AP2A2: variants seen among roughly 807,000 people sequenced by gnomAD.
AP2A2 encodes the protein adaptor related protein complex 2 subunit alpha 2, also known as AP-2 complex subunit alpha-2.
A neutral mutation model predicts 104.2 loss-of-function variants in AP2A2; 32 were observed. That is an observed-to-expected ratio of 0.31 (90% CI 0.23 to 0.41). The LOEUF (loss-of-function observed/expected upper bound fraction) is 0.41, where lower values mean the gene tolerates loss of function less well. Ranked by LOEUF, AP2A2 falls within the 10% of genes least tolerant of loss-of-function variation. AP2A2 has a pLI of 1.00. For synonymous variants in AP2A2, 539 were observed against 533.3 expected (o/e 1.01, Z -0.15); for missense variants, 912 against 1,261.0 (o/e 0.72, Z 4.19).
At position 960,818 on chromosome 11, in the gene AP2A2, C is replaced by T. The variant is rs575033864; in HGVS notation, c.136+1313C>T. On this transcript the variant is annotated intron_variant, in intron 2 of 21. Transcript: ENST00000448903. ...CAGGCGTGAGCCACTGCACCCCACA[C>T]GGCTGGTTTTTGTATTTTTAGTAGA... Among the ~76,000 whole-genome samples, 25 of 151,604 alleles carry T rather than the reference C, an allele frequency of 1.6e-4. No individual in the cohort carries two copies. The Middle Eastern group carries it at 0.017, about 105-fold the overall frequency.
At position 982,470 on chromosome 11, in the gene AP2A2, C is replaced by A. The variant is rs1392007575; in HGVS notation, c.705+1171C>A. ...GCCTGAGTCTTTTACCCATTTTTACCCTGGGTTGTCCGTTTTTTGTGTTGA... is the reference window on the plus strand; with the variant it reads ...GCCTGAGTCTTTTACCCATTTTTACACTGGGTTGTCCGTTTTTTGTGTTGA... On this transcript the variant is annotated intron_variant, in intron 6 of 21. Coordinates refer to ENST00000448903, the MANE Select transcript of AP2A2 (RefSeq NM_012305.4). Among the ~76,000 whole-genome samples the A allele has an allele frequency of 2.6e-5, 4 of 151,968 alleles. No homozygotes were observed. The East Asian group carries it at 7.7e-4, about 29-fold the overall frequency.
In AP2A2 at chr11:984,765, G is replaced by C. The variant is rs772745429; in HGVS notation, c.814+12G>C. On this transcript the variant is annotated intron_variant, in intron 7 of 21. Coordinates refer to ENST00000448903, the MANE Select transcript of AP2A2 (RefSeq NM_012305.4). Reference sequence around the variant, plus strand: ...CTACCCACCCCCAGGTAACGCGCAGGCCGCGGCTCCTGAAGCTGCACCAGT... The same window carrying C: ...CTACCCACCCCCAGGTAACGCGCAGCCCGCGGCTCCTGAAGCTGCACCAGT... The C allele has an allele frequency of 4.7e-5, 74 of 1,583,516 alleles. No homozygotes were observed. The highest frequency in any genetic ancestry group is 6.3e-5 in the Non-Finnish European group (73 of 1,154,984).
At chr11:1,004,396 C>G (rs1371586230) in intron 16 of AP2A2, among the ~76,000 whole-genome samples, 1 of 152,096 alleles carries the variant, frequency 6.6e-6, no homozygotes, top group Non-Finnish European at 1.5e-5. Flanking sequence ...TCACTTGAAC[C>G]TGGGAGGCGG....
At chr11:1,007,210 A>C (rs1226478720) in intron 17 of AP2A2, 1 of 154,278 alleles carries the variant, frequency 6.5e-6, no homozygotes, top group Non-Finnish European at 1.5e-5. Context: ...CTGGGGATTT[A>C]TGGTCAGCGA....
chr11:971,735 C>T (rs911305493), intron 3 of AP2A2, among the ~76,000 whole-genome samples: 8 of 152,126 alleles, frequency 5.3e-5, no homozygotes, highest in Non-Finnish European at 8.8e-5. Context: ...GTGTGATGTC[C>T]GGAACACTCA....
intron 1 of AP2A2, among the ~76,000 whole-genome samples, chr11:935,958 A>G (rs1225082577): frequency 2.7e-5 from 4 of 145,958 alleles, no homozygotes; most frequent in South Asian, 2.2e-4. Context: ...TTGGAGTGCA[A>G]TGGCACTATC....
At chr11:983,860 C>T (rs1441572991) in intron 6 of AP2A2, among the ~76,000 whole-genome samples, 2 of 152,178 alleles carry the variant, frequency 1.3e-5, no homozygotes, top group Non-Finnish European at 2.9e-5. Context: ...TGATTCTTGC[C>T]TTTTCCTGCT....
chr11:937,018 A>G (rs1853481701), intron 1 of AP2A2, among the ~76,000 whole-genome samples: 1 of 151,686 alleles, frequency 6.6e-6, no homozygotes, highest in East Asian at 1.9e-4. Context: ...TTTCTATTTA[A>G]TGTATTTATA....
At chr11:973,220 G>A (rs1456987912) in intron 4 of AP2A2, among the ~76,000 whole-genome samples, 5 of 152,214 alleles carry the variant, frequency 3.3e-5, no homozygotes, top group African/African-American at 1.2e-4. Context: ...CTAGACCGGC[G>A]TCTCAACTGG....
At chr11:987,634 G>A (rs1325250183) in intron 9 of AP2A2, among the ~76,000 whole-genome samples, 2 of 151,634 alleles carry the variant, frequency 1.3e-5, no homozygotes, top group Non-Finnish European at 1.5e-5. Flanking sequence ...CAGCGTGGGC[G>A]ACAGAGCGAG....
chr11:975,378 C>CGTGT, intron 4 of AP2A2, among the ~76,000 whole-genome samples: 1 of 83,792 alleles, frequency 1.2e-5, no homozygotes, highest in African/African-American at 4.5e-5. Context: ...CTCCCTCTTA[C>CGTGT]GAGCCGACAT....
intron 1 of AP2A2, among the ~76,000 whole-genome samples, chr11:935,502 G>A (rs1002432169): frequency 1.1e-4 from 17 of 151,312 alleles, no homozygotes; most frequent in East Asian, 3.9e-4. Context: ...GAGTTTCGCC[G>A]TGTTGGCCAG....
intron 17 of AP2A2, 69 bp downstream of exon 17, chr11:1,006,686 A>G: frequency 8.0e-7 from 1 of 1,254,178 alleles, no homozygotes; most frequent in Admixed American, 2.2e-5. Context: ...GCTTTTGAGG[A>G]AGTTTTTTGG....
chr11:1,005,798 G>C (rs1001242319), intron 16 of AP2A2, among the ~76,000 whole-genome samples: 1 of 152,224 alleles, frequency 6.6e-6, no homozygotes, highest in African/African-American at 2.4e-5. Context: ...AAGTTTTTAA[G>C]CTCTGGGCCG....
intron 1 of AP2A2, among the ~76,000 whole-genome samples, chr11:937,345 C>T (rs548304532): frequency 1.8e-4 from 27 of 152,190 alleles, no homozygotes; most frequent in African/African-American, 5.8e-4. Context: ...CTGACCACAG[C>T]GCAACACCAT....
At chr11:928,987 C>T (rs899686531) in intron 1 of AP2A2, among the ~76,000 whole-genome samples, 21 of 152,190 alleles carry the variant, frequency 1.4e-4, no homozygotes, top group African/African-American at 4.8e-4. Context: ...CTGTTCTCCT[C>T]ATGGCGAGCG....
chr11:935,770 A>AT (rs1393243371), intron 1 of AP2A2, among the ~76,000 whole-genome samples: 5 of 147,066 alleles, frequency 3.4e-5, no homozygotes, highest in East Asian at 4.1e-4. Context: ...AATTTTTTGT[A>AT]TTTTTAGTAG....
chr11:953,819 C>T (rs985805100), intron 1 of AP2A2, among the ~76,000 whole-genome samples: 1 of 151,306 alleles, frequency 6.6e-6, no homozygotes, highest in Admixed American at 6.6e-5. Context: ...TGACACTACT[C>T]TTCTCTCTAC....
At chr11:976,809 CAAG>C (rs2134650830) in intron 4 of AP2A2, among the ~76,000 whole-genome samples, 1 of 152,312 alleles carries the variant, frequency 6.6e-6, no homozygotes, top group South Asian at 2.1e-4. Flanking sequence ...ACAACAACAA[CAAG>C]AAAGCTATTG....
Sources: allele counts gnomAD v4.1 joint callset (sites outside exome capture counted in the v4.1 genomes callset), GRCh38; gene constraint gnomAD v4.1.1; transcripts MANE v1.5; gene names NCBI Gene and HGNC (gene_info 2026-07-23, HGNC 2026-07-21).